The following CNTNAP2 variants were observed in gnomAD, a reference collection of about 807,000 sequenced individuals.
CNTNAP2 encodes the protein contactin associated protein 2, also known as contactin-associated protein-like 2.
Under a neutral mutation model 155.2 loss-of-function variants are expected in CNTNAP2, and 98 were observed. The observed-to-expected ratio is 0.63, with a 90% CI of 0.54 to 0.75. CNTNAP2 has a LOEUF of 0.75. Ranked by LOEUF, CNTNAP2 falls within the 30% of genes least tolerant of loss-of-function variation. CNTNAP2 has a pLI of 0.00. For missense variants in CNTNAP2, 1,727 were observed against 1,688.1 expected (o/e 1.02, Z -0.40); for synonymous variants, 651 against 631.2 (o/e 1.03, Z -0.47).
intron 10 of CNTNAP2, among the ~76,000 whole-genome samples, chr7:147,481,133 G>T (rs549044202): frequency 1.3e-5 from 2 of 152,194 alleles, no homozygotes; most frequent in South Asian, 4.1e-4. Flanking sequence ...GGTTTTAAAG[G>T]TAACACAAAG....
chr7:147,387,718 A>T (rs1796646202), intron 9 of CNTNAP2, among the ~76,000 whole-genome samples: 1 of 152,154 alleles, frequency 6.6e-6, no homozygotes, highest in African/African-American at 2.4e-5. Context: ...ATCCAATTAC[A>T]TTGTTTGTTA....
chr7:147,065,889 GT>G (rs1443269052), intron 4 of CNTNAP2, among the ~76,000 whole-genome samples: 1 of 152,024 alleles, frequency 6.6e-6, no homozygotes. Flanking sequence ...AAAATTAGGA[GT>G]TTTAATTAGG....
chr7:147,587,957 A>C (rs1434656508), intron 12 of CNTNAP2, among the ~76,000 whole-genome samples: 2 of 152,134 alleles, frequency 1.3e-5, no homozygotes, highest in African/African-American at 4.8e-5. Context: ...TGGACAAATA[A>C]ATTTGCTTTC....
intron 13 of CNTNAP2, among the ~76,000 whole-genome samples, chr7:147,886,674 T>C (rs1799605588): frequency 6.6e-6 from 1 of 152,026 alleles, no homozygotes; most frequent in African/African-American, 2.4e-5. Context: ...TCAGCTTTCA[T>C]GGGACCTGAG....
chr7:146,520,236 G>T (rs1797598170), intron 1 of CNTNAP2, among the ~76,000 whole-genome samples: 1 of 148,644 alleles, frequency 6.7e-6, no homozygotes, highest in South Asian at 2.1e-4. Flanking sequence ...AATTTTCATT[G>T]TCTTTTTAAA....
chr7:147,347,431 TATATATATGCATATATATATATATGC>T (rs1413201381), intron 9 of CNTNAP2, among the ~76,000 whole-genome samples: 11 of 52,340 alleles, frequency 2.1e-4, no homozygotes, highest in African/African-American at 5.4e-4. Context: ...TATATATATA[TATATATATGCATATATATATATATGC>T]ATATATATAT....
chr7:146,143,913 C>T (rs1406500085), intron 1 of CNTNAP2, among the ~76,000 whole-genome samples: 2 of 152,054 alleles, frequency 1.3e-5, no homozygotes, highest in Non-Finnish European at 2.9e-5. Context: ...CAGGCATGTG[C>T]CACCATCCCA....
chr7:146,572,155 G>C (rs1584987211), intron 1 of CNTNAP2, among the ~76,000 whole-genome samples: 1 of 152,010 alleles, frequency 6.6e-6, no homozygotes, highest in Non-Finnish European at 1.5e-5. Flanking sequence ...ACATTTTAAG[G>C]TTTATGAAAA....
intron 1 of CNTNAP2, among the ~76,000 whole-genome samples, chr7:146,466,435 G>A (rs1375263403): frequency 6.6e-6 from 1 of 152,192 alleles, no homozygotes; most frequent in African/African-American, 2.4e-5. Context: ...CTTACCAAAT[G>A]TGTTTCAACA....
intron 16 of CNTNAP2, among the ~76,000 whole-genome samples, chr7:148,132,734 C>T (rs1804858780): frequency 6.6e-6 from 1 of 152,204 alleles, no homozygotes. Context: ...TTTTGATAGT[C>T]AAATCACGGT....
At chr7:146,807,156 GAAAT>G (rs1802982839) in intron 2 of CNTNAP2, among the ~76,000 whole-genome samples, 1 of 152,060 alleles carries the variant, frequency 6.6e-6, no homozygotes, top group African/African-American at 2.4e-5. Context: ...TTGAATAACT[GAAAT>G]AAATTACTCA....
At chr7:148,039,370 C>CT (rs1478154572) in intron 15 of CNTNAP2, among the ~76,000 whole-genome samples, 1 of 152,152 alleles carries the variant, frequency 6.6e-6, no homozygotes, top group East Asian at 1.9e-4. Flanking sequence ...TGGATCATGC[C>CT]TGCCCACATG....
intron 1 of CNTNAP2, among the ~76,000 whole-genome samples, chr7:146,321,897 A>T (rs1035919310): frequency 1.3e-5 from 2 of 152,160 alleles, no homozygotes; most frequent in Non-Finnish European, 2.9e-5. Flanking sequence ...TCTTTTTTTC[A>T]CAGCAATTTT....
At chr7:146,405,628 G>A (rs1795780215) in intron 1 of CNTNAP2, among the ~76,000 whole-genome samples, 1 of 152,122 alleles carries the variant, frequency 6.6e-6, no homozygotes, top group East Asian at 1.9e-4. Flanking sequence ...TACGTAACAG[G>A]TAAGACAAAT....
intron 3 of CNTNAP2, among the ~76,000 whole-genome samples, chr7:146,850,079 T>C (rs188640702): frequency 4.7e-4 from 71 of 152,274 alleles, no homozygotes; most frequent in Admixed American, 1.2e-3. Flanking sequence ...ATAAATTTGG[T>C]TTGCTTGAGT....
intron 3 of CNTNAP2, among the ~76,000 whole-genome samples, chr7:146,860,550 T>C (rs936741711): frequency 2.0e-5 from 3 of 152,140 alleles, no homozygotes; most frequent in Non-Finnish European, 4.4e-5. Flanking sequence ...ACAAACTAGA[T>C]AGGGACATAT....
chr7:146,626,013 C>T (rs1423471667), intron 1 of CNTNAP2, among the ~76,000 whole-genome samples: 1 of 152,046 alleles, frequency 6.6e-6, no homozygotes, highest in Non-Finnish European at 1.5e-5. Flanking sequence ...TGAATCATTT[C>T]TCATTTCTTC....
chr7:146,480,752 G>T (rs919861739), intron 1 of CNTNAP2, among the ~76,000 whole-genome samples: 1 of 144,010 alleles, frequency 6.9e-6, no homozygotes, highest in African/African-American at 2.6e-5. Context: ...GCAGTGGTGC[G>T]ATCTCGGCTC....
At chr7:146,642,177 C>T (rs2129161500) in intron 1 of CNTNAP2, among the ~76,000 whole-genome samples, 1 of 150,018 alleles carries the variant, frequency 6.7e-6, no homozygotes, top group South Asian at 2.1e-4. Context: ...TATTATTATA[C>T]TTTAAGTTTT....
Sources: gnomAD v4.1 joint callset for allele counts (sites outside exome capture counted in the v4.1 genomes callset) on GRCh38, gnomAD v4.1.1 for gene constraint, MANE v1.5 for transcripts, NCBI Gene and HGNC (gene_info 2026-07-23, HGNC 2026-07-21) for gene names.